The following PCDH18 variants were observed in gnomAD, a reference collection of about 807,000 sequenced individuals.
The protein encoded by PCDH18 is protocadherin-18.
In PCDH18, 38 loss-of-function variants were observed where a neutral mutation model predicts 71.5. That is an observed-to-expected ratio of 0.53 (90% CI 0.41 to 0.70). The LOEUF (loss-of-function observed/expected upper bound fraction) is 0.70. PCDH18 is among the 30% of genes least tolerant of loss of function. The pLI is 0.00. For synonymous variants in PCDH18, 565 were observed against 505.4 expected (o/e 1.12, Z -1.58); for missense variants, 1,334 against 1,384.6 (o/e 0.96, Z 0.58).
rs754039275 is a variant in PCDH18, at chr4:137,531,575, G to A, written c.514C>T (p.His172Tyr). 6.2e-7 allele frequency: 1 copy of A among 1,613,460 alleles called. No homozygotes were observed. Among genetic ancestry groups the A allele is most frequent in the Non-Finnish European group, 8.5e-7 (1 of 1,179,646 alleles). The part of the protein sequence containing the change: ...FDPDVGENSL[H>Y]TYSLSANDFF... ...TCATTGGCAGAGAGCGAGTATGTGTGGAGGGAATTTTCCCCAACATCTGGA... is the reference window on the plus strand; with the variant it reads ...TCATTGGCAGAGAGCGAGTATGTGTAGAGGGAATTTTCCCCAACATCTGGA... The change falls in exon 1 of 4, where the codon CAC becomes TAC. Residue 172 changes from histidine to tyrosine, a missense_variant. By Grantham distance (83) the His-to-Tyr change is moderately conservative. Transcript: ENST00000344876.
rs1266993377 is a variant in PCDH18, at chr4:137,519,954, C to G, written c.*1075G>C. 2 of 152,112 alleles carry G rather than the reference C, an allele frequency of 1.3e-5. No homozygotes were observed. The highest frequency in any genetic ancestry group is 4.8e-5 in the African/African-American group (2 of 41,250). The allele number at this position is 152,112 out of a possible 1,614,324, so 9.4% of individuals were successfully genotyped here. On this transcript the variant is annotated 3_prime_UTR_variant, in exon 4 of 4. Coordinates refer to ENST00000344876, the MANE Select transcript of PCDH18 (RefSeq NM_019035.5). ...ATATGATTTTATAAATGTTCTTATACTAAAAATAAAAGCAAAAATATGAGA... is the reference window on the plus strand; with the variant it reads ...ATATGATTTTATAAATGTTCTTATAGTAAAAATAAAAGCAAAAATATGAGA...
At chr4:137,521,729 T>A (rs1365474919) in intron 3 of PCDH18, 33 bp from the exon 4 acceptor site, 14 of 1,512,004 alleles carry the variant, frequency 9.3e-6, no homozygotes, top group Non-Finnish European at 1.2e-5. Flanking sequence ...GGATTCATTA[T>A]TATACTTAGC....
At position 137,531,170 on chromosome 4, in the gene PCDH18, T is replaced by C; in HGVS notation, c.919A>G (p.Thr307Ala). ...FKIDSERGHL[T>A]LFKQVDYEIT... is the part of the protein sequence containing the mutation. Reference sequence around the variant, plus strand: ...TCATAATCCACTTGCTTGAAAAGAGTCAAATGTCCTCTTTCAGAATCAATT... The same window carrying C: ...TCATAATCCACTTGCTTGAAAAGAGCCAAATGTCCTCTTTCAGAATCAATT... Residue 307 changes from threonine to alanine, a missense_variant, in exon 1 of 4, where the codon ACT (threonine) becomes GCT (alanine). Thr to Ala is a moderately conservative substitution (Grantham distance 58). Coordinates refer to ENST00000344876, the MANE Select transcript of PCDH18 (RefSeq NM_019035.5). 5.0e-6 allele frequency: 8 copies of C among 1,612,570 alleles called. No homozygotes were observed. The highest frequency in any genetic ancestry group is 6.8e-6 in the Non-Finnish European group (8 of 1,178,944).
chr4:137,525,094 G>A (rs1424843600), intron 3 of PCDH18, among the ~76,000 whole-genome samples: 3 of 152,170 alleles, frequency 2.0e-5, no homozygotes, highest in Admixed American at 6.5e-5. Flanking sequence ...TCAAACGGCT[G>A]TATAAATCAT....
rs1156276110 is a variant in PCDH18, at chr4:137,521,569, C to T, written c.2868G>A (p.Thr956=). 2 of 1,613,984 alleles carry T rather than the reference C, an allele frequency of 1.2e-6. No homozygotes were observed. The highest frequency in any genetic ancestry group is 2.7e-5 in the African/African-American group (2 of 75,004). Residue 956 remains threonine, a synonymous_variant, in exon 4 of 4, where the codon ACG becomes ACA. Transcript: ENST00000344876. ...GATGTGGATGCTGCTGCTGGGGTTG[C>T]GTTGGGAATTCTTCCCCTGGAATGA... ...NMFIPGEEFP[T]QPQQQHPHQS...
intron 3 of PCDH18, among the ~76,000 whole-genome samples, chr4:137,525,862 T>A (rs2149213517): frequency 6.6e-6 from 1 of 152,124 alleles, no homozygotes; most frequent in Non-Finnish European, 1.5e-5. Flanking sequence ...TTTTAAAAAT[T>A]GTCTCATGTT....
Position 137,521,315 on chromosome 4 carries a change from G to C in PCDH18, c.3122C>G (p.Pro1041Arg), listed in dbSNP as rs773655793. ...RSNSLERRKG[P>R]LPAKTVGYPQ... ...GTAACCCACAGTTTTGGCTGGCAAG[G>C]GTCCCTTCCTGCGCTCCAGGGAGTT... The change falls in exon 4 of 4, where the codon CCC (proline) becomes CGC (arginine). Residue 1041 changes from proline to arginine, a missense_variant. Pro to Arg is a moderately radical substitution (Grantham distance 103). Coordinates refer to ENST00000344876, the MANE Select transcript of PCDH18 (RefSeq NM_019035.5). 2.5e-6 allele frequency: 4 copies of C among 1,614,112 alleles called. No individual in the cohort carries two copies. In the East Asian group the frequency reaches 8.9e-5, roughly 36 times the overall value.
chr4:137,531,980 C>G lies in PCDH18; in HGVS notation c.109G>C (p.Glu37Gln), dbSNP rs1731728689. 6.2e-7 allele frequency: 1 copy of G among 1,613,840 alleles called. No individual in the cohort carries two copies. The highest frequency in any genetic ancestry group is 8.5e-7 in the Non-Finnish European group (1 of 1,179,872). Reference protein sequence around the residue: ...GKNLKYRIYEEQRVGSVIARL... With the variant: ...GKNLKYRIYEQQRVGSVIARL... Reference sequence around the variant, plus strand: ...GCAATTACTGATCCAACCCTCTGTTCCTCATAAATCCTGTATTTCAAATTC... The same window carrying G: ...GCAATTACTGATCCAACCCTCTGTTGCTCATAAATCCTGTATTTCAAATTC... Residue 37 changes from glutamate (E) to glutamine (Q), a missense_variant, in exon 1 of 4, where the codon GAA becomes CAA. By Grantham distance (29) the Glu-to-Gln change is conservative. Coordinates refer to ENST00000344876, the MANE Select transcript of PCDH18 (RefSeq NM_019035.5).
intron 3 of PCDH18, among the ~76,000 whole-genome samples, chr4:137,522,249 A>G (rs1731322771): frequency 1.3e-5 from 2 of 151,776 alleles, no homozygotes; most frequent in African/African-American, 4.8e-5. Context: ...AGTGAAAAGT[A>G]TCCTCAGCTA....
rs187208969 is a variant in PCDH18 at position 137,520,522 on chromosome 4, G to A, written c.*507C>T. 3.3e-5 allele frequency: 5 copies of A among 152,734 alleles called. No homozygotes were observed. In the East Asian group the frequency reaches 9.6e-4, roughly 29 times the overall value. 9.5% of individuals were successfully genotyped at this position (152,734 alleles called of 1,614,324 possible). On this transcript the variant is annotated 3_prime_UTR_variant, in exon 4 of 4. Transcript: ENST00000344876. ...GTTCAACTATTGGGGCTAGTAGAAA[G>A]TAGAGAAAATAACAATAAAATAGCT... is the stretch of plus-strand genomic sequence containing the variant.
At position 137,531,817 on chromosome 4, in the gene PCDH18, G is replaced by C. The variant is rs139895799; in HGVS notation, c.272C>G (p.Thr91Arg). Reference protein sequence around the residue: ...EDNGEISIGATIDREQLCQKN... With the variant: ...EDNGEISIGARIDREQLCQKN... ...CTGGCACAGTTGTTCACGGTCAATT[G>C]TAGCCCCTATGCTGATTTCCCCATT... is the stretch of plus-strand genomic sequence containing the variant. The change falls in exon 1 of 4, where the codon ACA (threonine) becomes AGA (arginine). Residue 91 changes from threonine to arginine, a missense_variant. Thr to Arg is a moderately conservative substitution (Grantham distance 71). Around this residue, in one of 3 missense-constraint regions of PCDH18, gnomAD observed 1,011 missense variants for 1,048.0 expected, o/e 0.96. Coordinates refer to ENST00000344876, the MANE Select transcript of PCDH18 (RefSeq NM_019035.5). 1 of 1,614,154 alleles carries C rather than the reference G, an allele frequency of 6.2e-7. No individual in the cohort carries two copies. The highest frequency in any genetic ancestry group is 2.2e-5 in the East Asian group (1 of 44,882).
At chr4:137,526,070 C>A (rs1731445694) in intron 3 of PCDH18, among the ~76,000 whole-genome samples, 1 of 151,224 alleles carries the variant, frequency 6.6e-6, no homozygotes, top group Non-Finnish European at 1.5e-5. Flanking sequence ...TTATTTACTC[C>A]AAGTGCTAGA....
In PCDH18 at chr4:137,530,686, C is replaced by T; in HGVS notation, c.1403G>A (p.Ser468Asn). ...TTCTGAAATTACAAATTCATATCGG[C>T]TTCTCTGGAAGTGGGGTGGATTGTC... ...INDNPPHFQR[S>N]RYEFVISENN... The change falls in exon 1 of 4, where the codon AGC becomes AAC. Residue 468 changes from serine (S) to asparagine (N), a missense_variant. Ser to Asn is a conservative substitution (Grantham distance 46). Around this residue, in one of 3 missense-constraint regions of PCDH18, gnomAD observed 1,011 missense variants for 1,048.0 expected, o/e 0.96. Coordinates refer to ENST00000344876, the MANE Select transcript of PCDH18 (RefSeq NM_019035.5). 2.5e-6 allele frequency: 4 copies of T among 1,612,828 alleles called. No individual in the cohort carries two copies. Among genetic ancestry groups the T allele is most frequent in the Non-Finnish European group, 3.4e-6 (4 of 1,179,390 alleles).
chr4:137,527,674 G>C (rs74886904), intron 3 of PCDH18, among the ~76,000 whole-genome samples: 2 of 152,226 alleles, frequency 1.3e-5, no homozygotes, highest in East Asian at 3.9e-4. Flanking sequence ...AGTGAAACTT[G>C]GAAATATAGG....
At position 137,531,588 on chromosome 4, in the gene PCDH18, C is replaced by T. The variant is rs1305078992; in HGVS notation, c.501G>A (p.Gly167=). 1.2e-6 allele frequency: 2 copies of T among 1,613,232 alleles called. No homozygotes were observed. The highest frequency in any genetic ancestry group is 8.5e-7 in the Non-Finnish European group (1 of 1,179,558). Residue 167 remains glycine (G), a synonymous_variant, in exon 1 of 4, where the codon GGG becomes GGA. Coordinates refer to ENST00000344876, the MANE Select transcript of PCDH18 (RefSeq NM_019035.5). The part of the protein sequence containing the change: ...PLDSAFDPDV[G]ENSLHTYSLS... ...GCGAGTATGTGTGGAGGGAATTTTC[C>T]CCAACATCTGGATCAAATGCACTGT...
At chr4:137,523,749 T>C (rs1268614668) in intron 3 of PCDH18, among the ~76,000 whole-genome samples, 3 of 152,128 alleles carry the variant, frequency 2.0e-5, no homozygotes, top group African/African-American at 7.2e-5. Flanking sequence ...AAAAATACAA[T>C]CTAGGTAACT....
Position 137,531,341 on chromosome 4 carries a change from A to C in PCDH18, c.748T>G (p.Ser250Ala). Residue 250 changes from serine to alanine, a missense_variant, in exon 1 of 4, where the codon TCT becomes GCT. Around this residue, in one of 3 missense-constraint regions of PCDH18, gnomAD observed 1,011 missense variants for 1,048.0 expected, o/e 0.96. Coordinates refer to ENST00000344876, the MANE Select transcript of PCDH18 (RefSeq NM_019035.5). ...TTTTCTAAGAGTTGTATTATATAAG[A>C]TTGCTGCTCAAAAGCAGGGCTGTTG... ...NDNSPAFEQQ[S>A]YIIQLLENSP... The C allele has an allele frequency of 6.2e-7, 1 of 1,613,932 alleles. No individual in the cohort carries two copies. Among genetic ancestry groups the C allele is most frequent in the Non-Finnish European group, 8.5e-7 (1 of 1,179,994 alleles).
At chr4:137,526,272 G>A (rs1284335504) in intron 3 of PCDH18, among the ~76,000 whole-genome samples, 1 of 151,948 alleles carries the variant, frequency 6.6e-6, no homozygotes, top group Non-Finnish European at 1.5e-5. Context: ...ATTCAGTTAA[G>A]TATGCTGATA....
At chr4:137,525,784 A>G (rs1731435699) in intron 3 of PCDH18, among the ~76,000 whole-genome samples, 2 of 152,136 alleles carry the variant, frequency 1.3e-5, no homozygotes, top group South Asian at 4.1e-4. Context: ...ACACAATGTT[A>G]TGCACAAGCA....
Sources: allele counts gnomAD v4.1 joint callset (sites outside exome capture counted in the v4.1 genomes callset), GRCh38; gene constraint gnomAD v4.1.1; regional missense constraint gnomAD v4.1.1; transcripts MANE v1.5; gene names NCBI Gene and HGNC (gene_info 2026-07-23, HGNC 2026-07-21).